GCFC2: variants seen among roughly 807,000 people sequenced by gnomAD.
GCFC2 encodes intron Large complex component GCFC2.
A neutral mutation model predicts 99.4 loss-of-function variants in GCFC2; 102 were observed. The observed-to-expected ratio is 1.03, with a 90% CI of 0.87 to 1.21. The LOEUF (loss-of-function observed/expected upper bound fraction) is 1.21. Ranked by LOEUF, GCFC2 falls within the 50% of genes most tolerant of loss-of-function variation. The probability of loss-of-function intolerance (pLI) is 0.00; values close to 1 mark genes in which losing one functional copy is unlikely to be tolerated. For synonymous variants in GCFC2, 338 were observed against 316.8 expected (o/e 1.07, Z -0.71); for missense variants, 973 against 920.9 (o/e 1.06, Z -0.73).
At position 75,694,253 on chromosome 2, in the gene GCFC2, G is replaced by A; in HGVS notation, c.1008C>T (p.Cys336=). The A allele has an allele frequency of 1.1e-6, 1 of 933,868 alleles. No homozygotes were observed. Among genetic ancestry groups the A allele is most frequent in the South Asian group, 1.7e-5 (1 of 59,118 alleles). The allele number at this position is 933,868 out of a possible 1,614,324, so 57.8% of individuals were successfully genotyped here. A position where few individuals can be genotyped will look rare whatever the true frequency, so the allele number is the denominator to read the frequency against. The part of the protein sequence containing the change: ...MKIYVENLID[C]LNEKIINIQE... ...TATTGATATGTACCTTTTCATTAAG[G>A]CAGTCAATTAAATTTTCCACATAAA... Residue 336 remains cysteine (C), a synonymous_variant, in exon 6 of 17, where the codon TGC becomes TGT. Coordinates refer to ENST00000321027, the MANE Select transcript of GCFC2 (RefSeq NM_003203.5).
intron 1 of GCFC2, 36 bp downstream of exon 1, chr2:75,710,555 C>T (rs1275495382): frequency 2.0e-6 from 3 of 1,470,744 alleles, no homozygotes; most frequent in South Asian, 2.7e-5. Context: ...CGCCCTGTGC[C>T]GTCACCTCCC....
intron 11 of GCFC2, among the ~76,000 whole-genome samples, chr2:75,684,076 A>G (rs1679708424): frequency 6.6e-6 from 1 of 152,216 alleles, no homozygotes; most frequent in Admixed American, 6.5e-5. Context: ...TCAATGAAAC[A>G]GAAAATTAAC....
At chr2:75,701,907 G>T (rs1384763174) in intron 3 of GCFC2, 8 of 1,120,914 alleles carry the variant, frequency 7.1e-6, no homozygotes, top group Admixed American at 8.9e-5. Flanking sequence ...AGGTAAAAAC[G>T]ATCGTTTTCA....
intron 7 of GCFC2, 87 bp downstream of exon 7, chr2:75,691,890 C>T (rs978180928): frequency 3.2e-5 from 22 of 692,662 alleles, no homozygotes; most frequent in Admixed American, 4.3e-5. Context: ...ACATGAAAAA[C>T]ATGTTTATAA....
At chr2:75,702,024 C>T (rs1040321840) in intron 3 of GCFC2, 175 bp downstream of exon 3, 1 of 1,405,682 alleles carries the variant, frequency 7.1e-7, no homozygotes. Context: ...TTGATAATAA[C>T]ATTTTGATAC....
intron 13 of GCFC2, 41 bp from the exon 14 acceptor site, chr2:75,672,057 A>ACT: frequency 9.1e-7 from 1 of 1,093,832 alleles, no homozygotes; most frequent in Non-Finnish European, 1.4e-6. Context: ...AATGCAAAGA[A>ACT]CTATTAGTCT....
At chr2:75,711,957 CGAG>C (rs1436367485), upstream of GCFC2, among the ~76,000 whole-genome samples, 3 of 152,372 alleles carry the variant, frequency 2.0e-5, no homozygotes, top group East Asian at 5.8e-4. Context: ...CTGAGGAGTA[CGAG>C]CGCACGGCGC....
rs1472727096 is a variant in GCFC2, at chr2:75,680,193, C to T, written c.1812G>A (p.Gln604=). Residue 604 remains glutamine (Q), a splice_region_variant and synonymous_variant, in exon 12 of 17, where the codon CAG becomes CAA. Transcript: ENST00000321027. ...AGTTCGCAACTCTAGAAATTATTAC[C>T]TGTCTGCTTTTACTAACTTCATTTT... The part of the protein sequence containing the change: ...TCENEVSKSR[Q]DLLKSIVSRM... The T allele has an allele frequency of 6.3e-7, 1 of 1,597,670 alleles. No individual in the cohort carries two copies. Among genetic ancestry groups the T allele is most frequent in the East Asian group, 2.2e-5 (1 of 44,676 alleles).
chr2:75,664,544 C>CT lies in GCFC2; in HGVS notation c.*121dup, dbSNP rs1348873220. The CT allele has an allele frequency of 2.1e-5, 12 of 560,706 alleles. No homozygotes were observed. In the East Asian group the frequency reaches 2.9e-4, roughly 14 times the overall value. The allele number at this position is 560,706 out of a possible 1,614,324, so 34.7% of individuals were successfully genotyped here. Reference sequence around the variant, plus strand: ...GGGGGAATACAGAGGTGGAGTCCTGCTTTTTTTCAAATCCTACCTTCTATT... The same window carrying CT: ...GGGGGAATACAGAGGTGGAGTCCTGCTTTTTTTTCAAATCCTACCTTCTATT... On this transcript the variant is annotated 3_prime_UTR_variant, in exon 17 of 17. Coordinates refer to ENST00000321027, the MANE Select transcript of GCFC2 (RefSeq NM_003203.5).
intron 12 of GCFC2, among the ~76,000 whole-genome samples, chr2:75,678,822 A>G (rs143184987): frequency 1.2e-3 from 186 of 152,264 alleles, no homozygotes; most frequent in African/African-American, 3.8e-3. Flanking sequence ...TCAAGGCTCA[A>G]TGCAGCTTCA....
chr2:75,701,849 T>C (rs981711701), intron 3 of GCFC2: 1 of 979,506 alleles, frequency 1.0e-6, no homozygotes, highest in Admixed American at 5.4e-5. Flanking sequence ...ATACATGACA[T>C]CTAAAATCTC....
chr2:75,666,172 T>G, intron 15 of GCFC2, 119 bp from the exon 16 acceptor site: 1 of 699,442 alleles, frequency 1.4e-6, no homozygotes, highest in Non-Finnish European at 2.2e-6. Context: ...AGTTTATGGT[T>G]AAATAAAAAT....
rs748595262 is a variant in GCFC2, at chr2:75,694,436, A to C, written c.834-9T>G. The C allele has an allele frequency of 1.7e-6, 2 of 1,198,916 alleles. No homozygotes were observed. Among genetic ancestry groups the C allele is most frequent in the East Asian group, 2.7e-5 (1 of 37,714 alleles). 74.3% of individuals were successfully genotyped at this position (1,198,916 alleles called of 1,614,324 possible). A position where few individuals can be genotyped will look rare whatever the true frequency, so the allele number is the denominator to read the frequency against. On this transcript the variant is annotated splice_polypyrimidine_tract_variant and intron_variant, in intron 5 of 16. Transcript: ENST00000321027. ...CCTGTAGTAATGTTAATCTAAATAA[A>C]TAAAATAAAAATTAGTTTATTTTTC...
upstream of GCFC2, chr2:75,711,047 C>G (rs957529159): frequency 2.3e-6 from 3 of 1,332,080 alleles, no homozygotes; most frequent in Non-Finnish European, 2.9e-6. Flanking sequence ...AGGCCGAGTT[C>G]TGTTCTGGGG....
intron 13 of GCFC2, among the ~76,000 whole-genome samples, 168 bp downstream of exon 13, chr2:75,673,276 C>G (rs545227003): frequency 1.3e-5 from 2 of 151,842 alleles, no homozygotes; most frequent in South Asian, 4.1e-4. Context: ...CCACTGCACT[C>G]CAGCCTGGGC....
chr2:75,690,544 T>C (rs1680019626), intron 8 of GCFC2, 94 bp downstream of exon 8: 8 of 739,432 alleles, frequency 1.1e-5, no homozygotes, highest in South Asian at 1.6e-5. Flanking sequence ...GTATATCAGG[T>C]ATAGTTAATG....
chr2:75,664,810 T>G, intron 16 of GCFC2, 27 bp from the exon 17 acceptor site: 1 of 1,066,442 alleles, frequency 9.4e-7, no homozygotes, highest in African/African-American at 1.6e-5. Flanking sequence ...ATTTCTCCCT[T>G]TAAAAATGCA....
chr2:75,689,137 T>C lies in GCFC2; in HGVS notation c.1428A>G (p.Gln476=), dbSNP rs1679942352. ...NIQNILLKFQ[Q]WREKFPDSYY... is the part of the protein sequence containing the mutation. ...AGGAGTCAGGAAACTTTTCTCGCCA[T>C]TGCTGAAATTTCAACAAAATATTCT... is the stretch of plus-strand genomic sequence containing the variant. Residue 476 remains glutamine, a synonymous_variant, in exon 10 of 17, where the codon CAA becomes CAG. Transcript: ENST00000321027. 2 of 1,599,982 alleles carry C rather than the reference T, an allele frequency of 1.3e-6. No individual in the cohort carries two copies. The highest frequency in any genetic ancestry group is 1.7e-6 in the Non-Finnish European group (2 of 1,168,534).
chr2:75,707,482 T>A (rs954452173), intron 1 of GCFC2, among the ~76,000 whole-genome samples: 1 of 152,222 alleles, frequency 6.6e-6, no homozygotes, highest in African/African-American at 2.4e-5. Context: ...ATACTACTCA[T>A]TAATTTTAAT....
Sources: allele counts gnomAD v4.1 joint callset (sites outside exome capture counted in the v4.1 genomes callset), GRCh38; gene constraint gnomAD v4.1.1; transcripts MANE v1.5; gene names NCBI Gene and HGNC (gene_info 2026-07-23, HGNC 2026-07-21).